The following PITPNM2 variants were observed in gnomAD, a reference collection of about 807,000 sequenced individuals.
PITPNM2 encodes the protein phosphatidylinositol transfer protein membrane associated 2.
In PITPNM2, 35 loss-of-function variants were observed where a neutral mutation model predicts 132.2. That is an observed-to-expected ratio of 0.26 (90% confidence interval 0.20 to 0.35). PITPNM2 has a LOEUF of 0.35. PITPNM2 is among the 10% of genes least tolerant of loss of function. The pLI is 1.00. For synonymous variants in PITPNM2, 738 were observed against 799.2 expected (o/e 0.92, Z 1.29); for missense variants, 1,332 against 1,912.0 (o/e 0.70, Z 5.66).
In PITPNM2 at chr12:123,117,649, T is replaced by A. The variant is rs373036905; in HGVS notation, c.-199-7161A>T. ...CCTGCATCAAGTCCAATGACTTGCA[T>A]CTAGGTTTGCAAGGCAGACAGAAGT... On this transcript the variant is annotated intron_variant, in intron 1 of 25. Coordinates refer to ENST00000320201, the MANE Select transcript of PITPNM2 (RefSeq NM_020845.3). This position sits in a 1 kb window ranked among gnomAD's most constrained non-coding sequence, Gnocchi z 4.7. Among the ~76,000 whole-genome samples, 21 of 152,270 alleles carry A rather than the reference T, an allele frequency of 1.4e-4. 1 individual carries two copies. The South Asian group carries it at 3.9e-3, about 29-fold the overall frequency.
At position 123,111,979 on chromosome 12, in the gene PITPNM2, G is replaced by A. The variant is rs2042846857; in HGVS notation, c.-199-1491C>T. Among the ~76,000 whole-genome samples the A allele has an allele frequency of 6.6e-6, 1 of 152,140 alleles. No individual in the cohort carries two copies. Among genetic ancestry groups the A allele is most frequent in the South Asian group, 2.1e-4 (1 of 4,806 alleles). ...TAACGCACCCATCAATGGCGAGCCA[G>A]ATTTGGTAGACCAGCCCCGCTCCAG... On this transcript the variant is annotated intron_variant, in intron 1 of 25. Transcript: ENST00000320201. This position sits in a 1 kb window ranked among gnomAD's most constrained non-coding sequence, Gnocchi z 4.1.
At position 123,150,175 on chromosome 12, in the gene PITPNM2, G is replaced by A. The variant is rs1346597106; in HGVS notation, c.-200+578C>T. Among the ~76,000 whole-genome samples the A allele has an allele frequency of 6.6e-6, 1 of 152,068 alleles. No homozygotes were observed. The highest frequency in any genetic ancestry group is 1.5e-5 in the Non-Finnish European group (1 of 68,014). On this transcript the variant is annotated intron_variant, in intron 1 of 25. Coordinates refer to ENST00000320201, the MANE Select transcript of PITPNM2 (RefSeq NM_020845.3). This position sits in a 1 kb window ranked among gnomAD's most constrained non-coding sequence, Gnocchi z 6.0. Reference sequence around the variant, plus strand: ...AAGGCCCCCCGATCAGCCCTGCCACGGATAAGAAAGGATTCGGGGTGGGAA... The same window carrying A: ...AAGGCCCCCCGATCAGCCCTGCCACAGATAAGAAAGGATTCGGGGTGGGAA...
At chr12:123,070,150 C>G (rs2041580989) in intron 2 of PITPNM2, among the ~76,000 whole-genome samples, 1 of 152,202 alleles carries the variant, frequency 6.6e-6, no homozygotes, top group Non-Finnish European at 1.5e-5. Flanking sequence ...GGTCGCCATG[C>G]CCTGGCCCCT....
At position 123,004,567 on chromosome 12, in the gene PITPNM2, GGA is replaced by G. The variant is rs771395466; in HGVS notation, c.953-80_953-79del. The G allele has an allele frequency of 1.2e-4, 167 of 1,399,902 alleles. No individual in the cohort carries two copies. The African/African-American group carries it at 2.1e-3, about 17-fold the overall frequency. The allele number at this position is 1,399,902 out of a possible 1,614,324, so 86.7% of individuals were successfully genotyped here. On this transcript the variant is annotated intron_variant, in intron 7 of 25. Coordinates refer to ENST00000320201, the MANE Select transcript of PITPNM2 (RefSeq NM_020845.3). The surrounding 1 kb of genome is among the most constrained non-coding windows in gnomAD (Gnocchi z 4.9). ...GCTGCCCTGAGCCGGCAGGAGGCAGGGAGGGCCACCCACAGGCCTGACAGGCA... is the reference window on the plus strand; with the variant it reads ...GCTGCCCTGAGCCGGCAGGAGGCAGGGGGCCACCCACAGGCCTGACAGGCA...
At position 123,004,747 on chromosome 12, in the gene PITPNM2, C is replaced by T. The variant is rs968195825; in HGVS notation, c.953-258G>A. 3.4e-5 allele frequency: 20 copies of T among 596,808 alleles called. 1 individual carries two copies. Among genetic ancestry groups the T allele is most frequent in the South Asian group, 1.8e-4 (9 of 50,040 alleles). The allele number at this position is 596,808 out of a possible 1,614,324, so 37.0% of individuals were successfully genotyped here. A position where few individuals can be genotyped will look rare whatever the true frequency, so the allele number is the denominator to read the frequency against. On this transcript the variant is annotated intron_variant, in intron 7 of 25. Coordinates refer to ENST00000320201, the MANE Select transcript of PITPNM2 (RefSeq NM_020845.3). This position sits in a 1 kb window ranked among gnomAD's most constrained non-coding sequence, Gnocchi z 4.9. ...GGGGAAGAGCATGACAGACATAAGCCCAGGACGTGGGGTAAGACAGGCCTG... is the reference window on the plus strand; with the variant it reads ...GGGGAAGAGCATGACAGACATAAGCTCAGGACGTGGGGTAAGACAGGCCTG...
In PITPNM2 at chr12:123,117,139, C is replaced by T. The variant is rs6489253; in HGVS notation, c.-199-6651G>A. The stretch of plus-strand genomic sequence containing the variant: ...CTCATGAAGACCTTTTGTATCCTCA[C>T]ATATGAGAGTTGCTGAGAGACGTTA... On this transcript the variant is annotated intron_variant, in intron 1 of 25. Coordinates refer to ENST00000320201, the MANE Select transcript of PITPNM2 (RefSeq NM_020845.3). This position sits in a 1 kb window ranked among gnomAD's most constrained non-coding sequence, Gnocchi z 4.7. Among the ~76,000 whole-genome samples the T allele has an allele frequency of 0.14, 21,862 of 152,200 alleles. 5,146 individuals carry two copies. Among genetic ancestry groups the T allele is most frequent in the African/African-American group, 0.49 (20,468 of 41,456 alleles).
Position 122,988,215 on chromosome 12 carries a change from G to A in PITPNM2, c.2997+19C>T, listed in dbSNP as rs375395578. The A allele has an allele frequency of 2.6e-4, 416 of 1,605,746 alleles. No individual in the cohort carries two copies. The highest frequency in any genetic ancestry group is 1.4e-3 in the Admixed American group (87 of 60,008). On this transcript the variant is annotated intron_variant, in intron 20 of 25. Transcript: ENST00000320201. ...ACAGGGTGACATCGTGGGGGCCTGG[G>A]CGCCCGGGGGACCCTCACCCGCAGC... is the stretch of plus-strand genomic sequence containing the variant.
intron 3 of PITPNM2, among the ~76,000 whole-genome samples, chr12:123,015,829 G>T (rs1011722260): frequency 6.6e-6 from 1 of 152,152 alleles, no homozygotes. Context: ...CACCAAATGG[G>T]AGAAGACATT....
At chr12:123,030,433 C>T (rs1017693897) in intron 3 of PITPNM2, among the ~76,000 whole-genome samples, 13 of 152,284 alleles carry the variant, frequency 8.5e-5, no homozygotes, top group Admixed American at 8.5e-4. Context: ...GTGGCTCACG[C>T]CTGTAATCCC....
chr12:123,079,595 T>C (rs1282372663), intron 2 of PITPNM2, among the ~76,000 whole-genome samples: 7 of 151,956 alleles, frequency 4.6e-5, no homozygotes, highest in Non-Finnish European at 1.5e-5. Context: ...GATCCACCCA[T>C]CTCGGCCTCC....
At chr12:123,046,013 G>A (rs917096694) in intron 2 of PITPNM2, among the ~76,000 whole-genome samples, 7 of 152,018 alleles carry the variant, frequency 4.6e-5, no homozygotes, top group Non-Finnish European at 8.8e-5. Context: ...TCTCTGTGTC[G>A]CCTAAGACAG....
intron 2 of PITPNM2, among the ~76,000 whole-genome samples, chr12:123,098,809 C>T (rs1357576282): frequency 6.6e-6 from 1 of 152,160 alleles, no homozygotes; most frequent in Admixed American, 6.5e-5. Context: ...GGGCCGGCTT[C>T]CTTCCCAGCC....
intron 16 of PITPNM2, among the ~76,000 whole-genome samples, chr12:122,991,498 G>A (rs540245921): frequency 1.3e-5 from 2 of 152,336 alleles, no homozygotes; most frequent in Non-Finnish European, 1.5e-5. Flanking sequence ...GACTTGCTGT[G>A]TGGCCCTGAG....
intron 2 of PITPNM2, chr12:123,089,044 G>A (rs1029155517): frequency 1.3e-5 from 2 of 152,064 alleles, no homozygotes; most frequent in African/African-American, 2.4e-5. Flanking sequence ...CCGAGTCCCC[G>A]GCTAATTTGT....
intron 1 of PITPNM2, among the ~76,000 whole-genome samples, chr12:123,133,526 A>G (rs1396812176): frequency 6.6e-6 from 1 of 152,198 alleles, no homozygotes; most frequent in Non-Finnish European, 1.5e-5. Context: ...TCTGATGCCA[A>G]TGGAAGAGAG....
In PITPNM2 at chr12:123,108,167, G is replaced by A. The variant is rs537304287; in HGVS notation, c.-96+2218C>T. On this transcript the variant is annotated intron_variant, in intron 2 of 25. Transcript: ENST00000320201. This position sits in a 1 kb window ranked among gnomAD's most constrained non-coding sequence, Gnocchi z 4.4. ...GCCTGTCTGTTTTGTTCACAGTGGC[G>A]TCTCTGGCAACTGGAATGGTCCCTG... Among the ~76,000 whole-genome samples the A allele has an allele frequency of 2.5e-4, 38 of 152,280 alleles. No homozygotes were observed. Among genetic ancestry groups the A allele is most frequent in the South Asian group, 2.3e-3 (11 of 4,832 alleles).
intron 2 of PITPNM2, among the ~76,000 whole-genome samples, chr12:123,076,929 A>G (rs997576870): frequency 2.6e-5 from 4 of 151,748 alleles, no homozygotes; most frequent in East Asian, 3.9e-4. Context: ...TGCCTGCTGC[A>G]CAGGAAGCAG....
intron 2 of PITPNM2, among the ~76,000 whole-genome samples, chr12:123,060,636 C>T (rs2041202980): frequency 6.6e-6 from 1 of 152,216 alleles, no homozygotes; most frequent in African/African-American, 2.4e-5. Flanking sequence ...AAGAAAACTG[C>T]ACTCCTATTG....
At position 123,004,690 on chromosome 12, in the gene PITPNM2, C is replaced by T; in HGVS notation, c.953-201G>A. 2 of 618,892 alleles carry T rather than the reference C, an allele frequency of 3.2e-6. No homozygotes were observed. The highest frequency in any genetic ancestry group is 5.8e-6 in the Non-Finnish European group (2 of 342,406). The allele number at this position is 618,892 out of a possible 1,614,324, so 38.3% of individuals were successfully genotyped here. ...CTAGGCTCATCTCCTGTCCGCCTGG[C>T]ACAAGGCAGTCATGTCCCGGGGAGC... On this transcript the variant is annotated intron_variant, in intron 7 of 25. Transcript: ENST00000320201. This position sits in a 1 kb window ranked among gnomAD's most constrained non-coding sequence, Gnocchi z 4.9.
Sources: allele counts gnomAD v4.1 joint callset (sites outside exome capture counted in the v4.1 genomes callset), GRCh38; gene constraint gnomAD v4.1.1; non-coding constraint Gnocchi (gnomAD v3.1); transcripts MANE v1.5; gene names NCBI Gene and HGNC (gene_info 2026-07-23, HGNC 2026-07-21).